Variants in FAM184A observed in about 807,000 individuals in gnomAD.
FAM184A encodes protein FAM184A.
In FAM184A, 99 loss-of-function variants were observed where a neutral mutation model predicts 143.8. The observed-to-expected ratio is 0.69, with a 90% confidence interval of 0.58 to 0.81. The LOEUF is 0.81. FAM184A is among the 40% of genes least tolerant of loss of function. The pLI, the probability that FAM184A is intolerant of heterozygous loss-of-function variation, is 0.00. For synonymous variants in FAM184A, 427 were observed against 446.4 expected, an observed-to-expected ratio of 0.96 and a Z score of 0.55; for missense variants, 1,217 against 1,310.5, an observed-to-expected ratio of 0.93 and a Z score of 1.10.
upstream of FAM184A, among the ~76,000 whole-genome samples, chr6:119,080,712 G>A (rs1246638882): frequency 6.6e-6 from 1 of 152,192 alleles, no homozygotes; most frequent in African/African-American, 2.4e-5. Context: ...CCAATGAGCA[G>A]TTCCTCTGAG....
chr6:119,105,629 A>G (rs1788758013), intron 1 of FAM184A, among the ~76,000 whole-genome samples: 2 of 152,142 alleles, frequency 1.3e-5, no homozygotes. Context: ...GACTAATACA[A>G]CTACCCTCAC....
At chr6:119,095,483 T>C (rs72955004) in intron 1 of FAM184A, among the ~76,000 whole-genome samples, 11,948 of 152,232 alleles carry the variant, frequency 0.078, 624 homozygotes, top group East Asian at 0.24. Context: ...GCTCTACCTT[T>C]CATGGCACTC....
At chr6:118,985,895 G>A (rs1784177330) in intron 9 of FAM184A, among the ~76,000 whole-genome samples, 1 of 152,174 alleles carries the variant, frequency 6.6e-6, no homozygotes, top group Admixed American at 6.5e-5. Flanking sequence ...ATGACTTAAC[G>A]AAAATGGTCA....
intron 1 of FAM184A, among the ~76,000 whole-genome samples, chr6:119,108,077 A>C (rs1214334482): frequency 3.3e-5 from 5 of 151,292 alleles, no homozygotes; most frequent in Non-Finnish European, 7.4e-5. Context: ...TCTGTGTTTT[A>C]ATGAGCTCTT....
chr6:119,026,495 A>G (rs953332939), intron 1 of FAM184A, among the ~76,000 whole-genome samples: 1 of 151,386 alleles, frequency 6.6e-6, no homozygotes, highest in Admixed American at 6.6e-5. Flanking sequence ...TAAGCCCCCA[A>G]CCGATTGAAC....
intron 1 of FAM184A, among the ~76,000 whole-genome samples, chr6:119,118,409 G>T (rs370883357): frequency 9.2e-5 from 14 of 152,162 alleles, no homozygotes; most frequent in Non-Finnish European, 1.9e-4. Flanking sequence ...TGTGGGAAAT[G>T]ATCTCAACAG....
chr6:119,107,792 A>G (rs6924875), intron 1 of FAM184A, among the ~76,000 whole-genome samples: 38 of 136,440 alleles, frequency 2.8e-4, no homozygotes, highest in South Asian at 2.4e-4. Context: ...AAAAAAAAAA[A>G]AAAGAAAGAA....
At chr6:119,146,436 GTGTGTT>G (rs1772436019) in intron 1 of FAM184A, among the ~76,000 whole-genome samples, 1 of 148,348 alleles carries the variant, frequency 6.7e-6, no homozygotes, top group South Asian at 2.1e-4. Context: ...GTGTGTGTGT[GTGTGTT>G]TATTTGGAGA....
rs4946399 is a variant in FAM184A at position 119,107,593 on chromosome 6, T to A, written c.-202+41485A>T. On this transcript the variant is annotated intron_variant, in intron 1 of 16. Coordinates refer to the FAM184A transcript ENST00000352896. The stretch of plus-strand genomic sequence containing the variant: ...CCTGGCCAATGTAGTGAAAATAATT[T>A]GTCTCTAATAAAAAACCTAAACAAA... 5.9e-5 allele frequency among the ~76,000 whole-genome samples: 9 copies of A among 152,038 alleles called. No homozygotes were observed. The East Asian group carries it at 1.7e-3, about 29-fold the overall frequency.
At chr6:119,011,174 C>T in intron 6 of FAM184A, 135 bp downstream of exon 6, 1 of 688,176 alleles carries the variant, frequency 1.5e-6, no homozygotes, top group Non-Finnish European at 2.2e-6. Flanking sequence ...AATTCAACAC[C>T]AATTAAAGTT....
intron 2 of FAM184A, among the ~76,000 whole-genome samples, chr6:119,023,561 C>CAA (rs1785524715): frequency 1.7e-5 from 2 of 119,736 alleles, no homozygotes; most frequent in African/African-American, 6.5e-5. Flanking sequence ...GTCCGCCCCC[C>CAA]CCCCCAGGAA....
chr6:119,098,730 G>A (rs150326044), intron 1 of FAM184A, among the ~76,000 whole-genome samples: 6 of 152,284 alleles, frequency 3.9e-5, no homozygotes, highest in South Asian at 2.1e-4. Flanking sequence ...ACAAAGAACC[G>A]TGGTCAGAGT....
chr6:119,073,938 T>A (rs772157115), intron 1 of FAM184A, among the ~76,000 whole-genome samples: 11 of 152,064 alleles, frequency 7.2e-5, no homozygotes, highest in Non-Finnish European at 1.2e-4. Flanking sequence ...AAGAGGGGTA[T>A]CTAGAGTTTG....
intron 14 of FAM184A, among the ~76,000 whole-genome samples, chr6:118,971,731 A>G (rs2114558447): frequency 6.6e-6 from 1 of 152,360 alleles, no homozygotes; most frequent in Non-Finnish European, 1.5e-5. Context: ...ATCATCATCC[A>G]TAAGCAATAT....
intron 9 of FAM184A, among the ~76,000 whole-genome samples, chr6:118,991,827 A>G (rs1401698839): frequency 8.2e-6 from 1 of 122,236 alleles, no homozygotes; most frequent in South Asian, 2.6e-4. Flanking sequence ...CAGTGGTATG[A>G]TCTCGGCTCT....
chr6:118,968,722 T>C (rs1399009843), intron 14 of FAM184A, among the ~76,000 whole-genome samples: 1 of 152,232 alleles, frequency 6.6e-6, no homozygotes, highest in Admixed American at 6.5e-5. Flanking sequence ...GCTAAACAAC[T>C]AAATTTAAAG....
intron 1 of FAM184A, among the ~76,000 whole-genome samples, chr6:119,055,672 C>T (rs1167161965): frequency 6.6e-6 from 1 of 152,150 alleles, no homozygotes; most frequent in Non-Finnish European, 1.5e-5. Context: ...AAAGTATGCA[C>T]AGTAAACATG....
At chr6:119,120,870 C>G (rs1294580660) in intron 1 of FAM184A, among the ~76,000 whole-genome samples, 3 of 136,556 alleles carry the variant, frequency 2.2e-5, no homozygotes, top group African/African-American at 8.3e-5. Context: ...TTTTAGGAGA[C>G]AGGGTCTTGT....
At chr6:119,098,401 G>T (rs1167009986) in intron 1 of FAM184A, among the ~76,000 whole-genome samples, 3 of 152,212 alleles carry the variant, frequency 2.0e-5, no homozygotes, top group Non-Finnish European at 4.4e-5. Context: ...GCCAAGTAAA[G>T]AAAATCAGGC....
Sources: gnomAD v4.1 joint callset for allele counts (sites outside exome capture counted in the v4.1 genomes callset) on GRCh38, gnomAD v4.1.1 for gene constraint, MANE v1.5 for transcripts, NCBI Gene and HGNC (gene_info 2026-07-23, HGNC 2026-07-21) for gene names.